GABPB2: variants seen among roughly 807,000 people sequenced by gnomAD.
The protein encoded by GABPB2 is GA-binding protein subunit beta-2.
GABPB2 carries 23 observed loss-of-function variants against 39.1 expected under a neutral mutation model. The observed-to-expected ratio is 0.59, with a 90% CI of 0.42 to 0.83. The LOEUF is 0.83. Ranked by LOEUF, GABPB2 falls within the 40% of genes least tolerant of loss-of-function variation. The probability of loss-of-function intolerance (pLI) is 0.00; values close to 1 mark genes in which losing one functional copy is unlikely to be tolerated. For missense variants in GABPB2, 467 were observed against 541.1 expected (o/e 0.86, Z 1.36); for synonymous variants, 184 against 199.3 (o/e 0.92, Z 0.65).
At chr1:151,091,378 G>T (rs587763911) in intron 3 of GABPB2, among the ~76,000 whole-genome samples, 1 of 140,168 alleles carries the variant, frequency 7.1e-6, no homozygotes, top group African/African-American at 2.7e-5. Context: ...GTGAGTCACC[G>T]CACCTGACTG....
intron 1 of GABPB2, among the ~76,000 whole-genome samples, chr1:151,082,278 T>A (rs1002441246): frequency 6.6e-6 from 1 of 151,600 alleles, no homozygotes; most frequent in Non-Finnish European, 1.5e-5. Flanking sequence ...GGTTTCACCA[T>A]GTTGGCCAGG....
chr1:151,107,439 G>A (rs1161805320), intron 7 of GABPB2, among the ~76,000 whole-genome samples: 1 of 151,146 alleles, frequency 6.6e-6, no homozygotes, highest in African/African-American at 2.4e-5. Flanking sequence ...AGTTGATCTG[G>A]TGGAAAAAAT....
At chr1:151,090,304 C>T in intron 2 of GABPB2, 102 bp from the exon 3 acceptor site, 3 of 1,130,160 alleles carry the variant, frequency 2.7e-6, no homozygotes, top group Non-Finnish European at 3.7e-6. Flanking sequence ...ACCAGATTCT[C>T]TCTTGAAGGA....
At position 151,107,128 on chromosome 1, in the gene GABPB2, G is replaced by A. The variant is rs1680030116; in HGVS notation, c.828G>A (p.Val276=). The change falls in exon 7 of 9, where the codon GTG becomes GTA. Residue 276 remains valine, a synonymous_variant. Coordinates refer to ENST00000368918, the MANE Select transcript of GABPB2 (RefSeq NM_144618.3). Reference sequence around the variant, plus strand: ...GAGGCCAGAGGGTCATCACCATAGTGACTGATGGAGTCCCTCTGGGTAATA... The same window carrying A: ...GAGGCCAGAGGGTCATCACCATAGTAACTGATGGAGTCCCTCTGGGTAATA... ...GSGGQRVITI[V]TDGVPLGNIQ... The A allele has an allele frequency of 6.2e-7, 1 of 1,612,568 alleles. No homozygotes were observed.
chr1:151,092,398 C>T, intron 3 of GABPB2, among the ~76,000 whole-genome samples: 1 of 148,808 alleles, frequency 6.7e-6, no homozygotes. Context: ...AGCCACCGCA[C>T]CCAGCCATTT....
At position 151,118,170 on chromosome 1, in the gene GABPB2, T is replaced by A; in HGVS notation, c.1261T>A (p.Leu421Met). 1 of 1,613,432 alleles carries A rather than the reference T, an allele frequency of 6.2e-7. No homozygotes were observed. Among genetic ancestry groups the A allele is most frequent in the Non-Finnish European group, 8.5e-7 (1 of 1,179,872 alleles). The stretch of plus-strand genomic sequence containing the variant: ...TGCTGTAGTAGTCACAGAGGGGGAG[T>A]TGGAAGAGAGAGAGACAAAAGTGAC... ...VDAVVVTEGE[L>M]EERETKVTGS... is the part of the protein sequence containing the mutation. Residue 421 changes from leucine (L) to methionine (M), a missense_variant, in exon 9 of 9, where the codon TTG (leucine) becomes ATG (methionine). By Grantham distance (15) the Leu-to-Met change is conservative. Transcript: ENST00000368918.
intron 1 of GABPB2, among the ~76,000 whole-genome samples, chr1:151,086,544 A>G (rs1571912011): frequency 6.6e-6 from 1 of 152,212 alleles, no homozygotes; most frequent in Non-Finnish European, 1.5e-5. Context: ...TTGTATTATA[A>G]CAAAAATAGT....
chr1:151,082,402 T>C (rs1412156672), intron 1 of GABPB2, among the ~76,000 whole-genome samples: 8 of 128,426 alleles, frequency 6.2e-5, no homozygotes, highest in South Asian at 2.8e-4. Flanking sequence ...CTTTTTTTTT[T>C]TTTTTTTTTT....
At chr1:151,110,661 A>G (rs1571980781) in intron 7 of GABPB2, among the ~76,000 whole-genome samples, 1 of 151,944 alleles carries the variant, frequency 6.6e-6, no homozygotes, top group African/African-American at 2.4e-5. Flanking sequence ...AGGTCTTCCT[A>G]TGTTACCCAG....
intron 2 of GABPB2, among the ~76,000 whole-genome samples, chr1:151,090,109 T>C (rs1678545249): frequency 6.6e-6 from 1 of 151,800 alleles, no homozygotes; most frequent in Non-Finnish European, 1.5e-5. Context: ...CTGGCTAACT[T>C]TTTTTGTATT....
intron 5 of GABPB2, among the ~76,000 whole-genome samples, chr1:151,098,315 G>A (rs1450726286): frequency 6.6e-6 from 1 of 152,020 alleles, no homozygotes; most frequent in Admixed American, 6.6e-5. Context: ...CCCTGGACTG[G>A]ACAACATAGC....
chr1:151,071,357 C>T (rs1676696076), intron 1 of GABPB2, among the ~76,000 whole-genome samples: 1 of 151,486 alleles, frequency 6.6e-6, no homozygotes, highest in South Asian at 2.1e-4. Flanking sequence ...GAAACGGCGA[C>T]TCTCATTATC....
chr1:151,077,324 C>T (rs1231962613), intron 1 of GABPB2, among the ~76,000 whole-genome samples: 2 of 150,468 alleles, frequency 1.3e-5, no homozygotes, highest in Non-Finnish European at 3.0e-5. Flanking sequence ...ATCCTGGGAC[C>T]TCAGGAGGGG....
chr1:151,071,962 T>TC (rs992967984), intron 1 of GABPB2, among the ~76,000 whole-genome samples: 15 of 151,746 alleles, frequency 9.9e-5, no homozygotes, highest in African/African-American at 1.5e-4. Flanking sequence ...CTCTAGGGGG[T>TC]CCCCCCCAAC....
chr1:151,095,117 G>A (rs1411468535), intron 4 of GABPB2, among the ~76,000 whole-genome samples: 2 of 151,972 alleles, frequency 1.3e-5, no homozygotes, highest in East Asian at 1.9e-4. Context: ...TCTAGTAAGT[G>A]CCATGGGAGC....
intron 3 of GABPB2, among the ~76,000 whole-genome samples, chr1:151,090,956 C>T (rs1233785698): frequency 1.3e-5 from 2 of 151,376 alleles, no homozygotes; most frequent in African/African-American, 2.4e-5. Flanking sequence ...CAAGATCACG[C>T]CACTGCACTC....
In GABPB2 at chr1:151,093,507, A is replaced by G. The variant is rs370926037; in HGVS notation, c.471+121A>G. The G allele has an allele frequency of 8.1e-5, 53 of 653,964 alleles. No homozygotes were observed. In the African/African-American group the frequency reaches 9.4e-4, roughly 12 times the overall value. The allele number at this position is 653,964 out of a possible 1,614,324, so 40.5% of individuals were successfully genotyped here. On this transcript the variant is annotated intron_variant, in intron 4 of 8. Coordinates refer to ENST00000368918, the MANE Select transcript of GABPB2 (RefSeq NM_144618.3). ...TAAAGTAGCACTTCTAATATGTCTC[A>G]ATCTTGTGACTCAGTGTCATTAGTA... is the stretch of plus-strand genomic sequence containing the variant.
Position 151,090,453 on chromosome 1 carries a change from C to A in GABPB2, c.156C>A (p.Ser52=). Residue 52 remains serine (S), a synonymous_variant, in exon 3 of 9, where the codon TCC becomes TCA. Coordinates refer to ENST00000368918, the MANE Select transcript of GABPB2 (RefSeq NM_144618.3). ...TTGCAGCTCAATATGGTCATTATTC[C>A]ACAGCAGAAGTACTCCTTCGAGCAG... ...LHLAAQYGHY[S]TAEVLLRAGV... 6.2e-7 allele frequency: 1 copy of A among 1,613,982 alleles called. No individual in the cohort carries two copies. Among genetic ancestry groups the A allele is most frequent in the Non-Finnish European group, 8.5e-7 (1 of 1,179,986 alleles).
chr1:151,104,386 C>T (rs1010670084), intron 6 of GABPB2, among the ~76,000 whole-genome samples: 1 of 152,144 alleles, frequency 6.6e-6, no homozygotes, highest in Non-Finnish European at 1.5e-5. Flanking sequence ...TTTCTTTCTG[C>T]CATGACATTT....
Sources: gnomAD v4.1 joint callset for allele counts (sites outside exome capture counted in the v4.1 genomes callset) on GRCh38, gnomAD v4.1.1 for gene constraint, MANE v1.5 for transcripts, NCBI Gene and HGNC (gene_info 2026-07-23, HGNC 2026-07-21) for gene names.